Variants in PARP16 observed in about 807,000 individuals in gnomAD.
The protein encoded by PARP16 is poly(ADP-ribose) polymerase family member 16, also known as protein mono-ADP-ribosyltransferase PARP16.
A neutral mutation model predicts 35.0 loss-of-function variants in PARP16; 31 were observed. That is an observed-to-expected ratio of 0.88 (90% CI 0.66 to 1.19). The LOEUF is 1.19. Ranked by LOEUF, PARP16 falls within the 50% of genes most tolerant of loss-of-function variation. The probability of loss-of-function intolerance (pLI) is 0.00; values close to 1 mark genes in which losing one functional copy is unlikely to be tolerated. For missense variants in PARP16, 424 were observed against 411.2 expected (o/e 1.03, Z -0.27); for synonymous variants, 162 against 169.5 (o/e 0.96, Z 0.34).
Position 65,263,267 on chromosome 15 carries a change from G to A in PARP16, c.573C>T (p.Leu191=). The change falls in exon 4 of 6, where the codon CTC becomes CTT. Residue 191 remains leucine, a synonymous_variant. Transcript: ENST00000649807. ...ACCCATGGCCATGGGGGCTGTATAT[G>A]AGGGCCAGGCTCAAGTCACTGGTGA... The part of the protein sequence containing the change: ...TYLTSDLSLA[L]IYSPHGHGWQ... The A allele has an allele frequency of 1.2e-6, 2 of 1,613,442 alleles. No individual in the cohort carries two copies. Among genetic ancestry groups the A allele is most frequent in the South Asian group, 2.2e-5 (2 of 91,026 alleles).
At position 65,285,928 on chromosome 15, in the gene PARP16, T is replaced by C. The variant is rs2090579659; in HGVS notation, c.174+325A>G. 2.0e-5 allele frequency among the ~76,000 whole-genome samples: 3 copies of C among 152,242 alleles called. No individual in the cohort carries two copies. In the South Asian group the frequency reaches 6.2e-4, roughly 32 times the overall value. ...TAACTTTCTAGCTAAGCAAAACAGC[T>C]GATTCACATCAACCCTATTCCTGGC... On this transcript the variant is annotated intron_variant, in intron 1 of 5. Transcript: ENST00000649807.
rs76611528 is a variant in PARP16 at position 65,267,379 on chromosome 15, A to G, written c.313-611T>C. 8.0e-3 allele frequency among the ~76,000 whole-genome samples: 1,221 copies of G among 152,136 alleles called. 3 individuals carry two copies. Among genetic ancestry groups the G allele is most frequent in the Non-Finnish European group, 0.012 (812 of 67,996 alleles). ...TCCCAGCACTTTGGGCGGCCGAGGC[A>G]GGCGGATCATGAGGTCAGGAGATCA... On this transcript the variant is annotated intron_variant, in intron 2 of 5. Coordinates refer to ENST00000649807, the MANE Select transcript of PARP16 (RefSeq NM_001316943.2).
intron 2 of PARP16, among the ~76,000 whole-genome samples, chr15:65,249,651 G>C (rs2089301917): frequency 6.6e-6 from 1 of 152,214 alleles, no homozygotes; most frequent in Non-Finnish European, 1.5e-5. Flanking sequence ...TTTGTTCTCT[G>C]ATGTGAGGAA....
intron 1 of PARP16, among the ~76,000 whole-genome samples, chr15:65,275,579 G>A (rs145869333): frequency 7.9e-5 from 12 of 152,264 alleles, no homozygotes; most frequent in African/African-American, 2.9e-4. Flanking sequence ...AGGTAATTCT[G>A]TGTGGCTGGA....
chr15:65,273,144 G>A (rs2090141503), intron 1 of PARP16, among the ~76,000 whole-genome samples: 1 of 151,818 alleles, frequency 6.6e-6, no homozygotes, highest in African/African-American at 2.4e-5. Flanking sequence ...TGGGTGTGGT[G>A]GCATGTGCCT....
At chr15:65,231,644 C>T (rs146562333), downstream of PARP16, among the ~76,000 whole-genome samples, 2 of 152,140 alleles carry the variant, frequency 1.3e-5, no homozygotes, top group East Asian at 3.9e-4. Context: ...GACGGAGTTT[C>T]ACCACGTTGG....
intron 1 of PARP16, among the ~76,000 whole-genome samples, chr15:65,273,170 C>T (rs570925208): frequency 6.7e-6 from 1 of 148,452 alleles, no homozygotes; most frequent in Non-Finnish European, 1.5e-5. Flanking sequence ...CCCAGCTACT[C>T]GGGAGGCCAA....
downstream of PARP16, among the ~76,000 whole-genome samples, chr15:65,232,040 G>T (rs1479796489): frequency 1.3e-5 from 2 of 152,014 alleles, no homozygotes; most frequent in African/African-American, 4.8e-5. Flanking sequence ...GTGTCCTCCA[G>T]CTGCTGTGCC....
At chr15:65,257,170 A>G (rs561460831), downstream of PARP16, among the ~76,000 whole-genome samples, 2 of 152,196 alleles carry the variant, frequency 1.3e-5, no homozygotes, top group East Asian at 3.9e-4. Flanking sequence ...TAATCCCAGT[A>G]CTTTGGAAGG....
chr15:65,254,781 A>G (rs1329308578), downstream of PARP16, among the ~76,000 whole-genome samples: 1 of 152,154 alleles, frequency 6.6e-6, no homozygotes, highest in African/African-American at 2.4e-5. Flanking sequence ...GGCTGTTTAA[A>G]TCACAAACTC....
At chr15:65,273,293 A>AT (rs1248256156) in intron 1 of PARP16, among the ~76,000 whole-genome samples, 11 of 149,432 alleles carry the variant, frequency 7.4e-5, no homozygotes, top group African/African-American at 2.2e-4. Flanking sequence ...AAAAAAAAAA[A>AT]AGAATACCTG....
At chr15:65,241,251 C>T (rs1202027607) in intron 3 of PARP16, among the ~76,000 whole-genome samples, 1 of 151,092 alleles carries the variant, frequency 6.6e-6, no homozygotes, top group Non-Finnish European at 1.5e-5. Flanking sequence ...AGTGATTCTT[C>T]TGCCTCAGCC....
intron 1 of PARP16, among the ~76,000 whole-genome samples, chr15:65,281,147 G>C (rs945741319): frequency 3.9e-5 from 6 of 152,110 alleles, no homozygotes; most frequent in Admixed American, 1.3e-4. Context: ...ATTTCGGGAG[G>C]GAAAACAGAA....
At chr15:65,240,175 G>T (rs1349422297) in intron 3 of PARP16, among the ~76,000 whole-genome samples, 1 of 150,842 alleles carries the variant, frequency 6.6e-6, no homozygotes, top group Non-Finnish European at 1.5e-5. Flanking sequence ...ACAGAGTCTC[G>T]CTCTGTCGCC....
intron 1 of PARP16, among the ~76,000 whole-genome samples, 175 bp from the exon 2 acceptor site, chr15:65,271,247 A>G (rs1342063770): frequency 1.3e-5 from 2 of 152,012 alleles, no homozygotes. Flanking sequence ...TACAAGCTCT[A>G]AAATCTGAAA....
chr15:65,277,020 T>A (rs891630357), intron 1 of PARP16, among the ~76,000 whole-genome samples: 2 of 152,060 alleles, frequency 1.3e-5, no homozygotes, highest in African/African-American at 4.8e-5. Context: ...CATCTTAAAT[T>A]CAAATTTAAC....
At chr15:65,283,164 C>A (rs1035371683) in intron 1 of PARP16, among the ~76,000 whole-genome samples, 2 of 152,116 alleles carry the variant, frequency 1.3e-5, no homozygotes, top group Non-Finnish European at 2.9e-5. Context: ...TGGCCAAGTG[C>A]AGTGGCTCAA....
intron 1 of PARP16, among the ~76,000 whole-genome samples, chr15:65,273,689 C>T (rs1443637116): frequency 1.3e-5 from 2 of 151,692 alleles, no homozygotes; most frequent in Non-Finnish European, 2.9e-5. Context: ...ACCAGCCTGA[C>T]CAGCATGAGA....
At chr15:65,278,830 G>A (rs879282223) in intron 1 of PARP16, among the ~76,000 whole-genome samples, 1 of 152,162 alleles carries the variant, frequency 6.6e-6, no homozygotes, top group Non-Finnish European at 1.5e-5. Flanking sequence ...CTAGATGTGG[G>A]TGGAGGTGCT....
Sources: gnomAD v4.1 joint callset for allele counts (sites outside exome capture counted in the v4.1 genomes callset) on GRCh38, gnomAD v4.1.1 for gene constraint, MANE v1.5 for transcripts, NCBI Gene and HGNC (gene_info 2026-07-23, HGNC 2026-07-21) for gene names.